Variants in AK9 observed in about 807,000 individuals in gnomAD.
The protein encoded by AK9 is adenylate kinase 9.
Under a neutral mutation model 239.6 loss-of-function variants are expected in AK9, and 191 were observed. The observed-to-expected ratio is 0.80, with a 90% confidence interval of 0.71 to 0.90. The LOEUF (loss-of-function observed/expected upper bound fraction) is 0.90, where lower values mean the gene tolerates loss of function less well. AK9 is among the 40% of genes least tolerant of loss of function. The pLI is 0.00. For missense variants in AK9, 1,995 were observed against 2,214.7 expected (o/e 0.90, Z 1.99); for synonymous variants, 689 against 721.0 (o/e 0.96, Z 0.71).
At chr6:109,688,956 C>T (rs1033366254) in intron 1 of AK9, among the ~76,000 whole-genome samples, 1 of 152,160 alleles carries the variant, frequency 6.6e-6, no homozygotes, top group African/African-American at 2.4e-5. Flanking sequence ...GCTCTTGATG[C>T]TTTCATGTCC....
At chr6:109,679,257 G>A (rs574389506) in intron 1 of AK9, among the ~76,000 whole-genome samples, 1 of 152,140 alleles carries the variant, frequency 6.6e-6, no homozygotes, top group Non-Finnish European at 1.5e-5. Context: ...TGGGATGCTG[G>A]AGCCTGGCTG....
At chr6:109,522,169 G>C (rs1269250635) in intron 29 of AK9, among the ~76,000 whole-genome samples, 1 of 151,896 alleles carries the variant, frequency 6.6e-6, no homozygotes, top group African/African-American at 2.4e-5. Flanking sequence ...CCATTCCTTT[G>C]TAGATATCCT....
At position 109,610,476 on chromosome 6, in the gene AK9, A is replaced by G. The variant is rs770990772; in HGVS notation, c.1731T>C (p.Asp577=). ...CAATCATGGTCACAACCTCTGGATG[A>G]TCTGCAGTTACCTCTTCTATCAAGT... ...TEDLIEEVTA[D]HPEVVTMIEE... Residue 577 remains aspartate (D), a synonymous_variant, in exon 17 of 41, where the codon GAT becomes GAC. Transcript: ENST00000424296. 45 of 1,551,262 alleles carry G rather than the reference A, an allele frequency of 2.9e-5. No homozygotes were observed. The African/African-American group carries it at 5.8e-4, about 20-fold the overall frequency.
chr6:109,636,286 TA>T (rs1379850865), intron 10 of AK9, among the ~76,000 whole-genome samples: 1 of 152,178 alleles, frequency 6.6e-6, no homozygotes, highest in Non-Finnish European at 1.5e-5. Context: ...GAGTCTACAG[TA>T]AGGTCTCTGT....
At chr6:109,664,542 A>C (rs1234569719) in intron 5 of AK9, among the ~76,000 whole-genome samples, 1 of 152,008 alleles carries the variant, frequency 6.6e-6, no homozygotes, top group Non-Finnish European at 1.5e-5. Context: ...CTCCTGCCTC[A>C]GCCTCCTGAG....
At chr6:109,686,639 C>T (rs1272028973) in intron 1 of AK9, among the ~76,000 whole-genome samples, 1 of 152,188 alleles carries the variant, frequency 6.6e-6, no homozygotes, top group African/African-American at 2.4e-5. Context: ...GTAAGGATAC[C>T]TTCTGGAGTC....
At chr6:109,504,165 G>A (rs1037269364) in intron 35 of AK9, among the ~76,000 whole-genome samples, 1 of 151,890 alleles carries the variant, frequency 6.6e-6, no homozygotes, top group African/African-American at 2.4e-5. Context: ...ACCAGCCTGG[G>A]AAACAAAGTA....
chr6:109,585,793 G>T, intron 18 of AK9, 123 bp downstream of exon 18: 1 of 907,356 alleles, frequency 1.1e-6, no homozygotes, highest in Non-Finnish European at 1.6e-6. Context: ...TCTAGTTCCT[G>T]CAGGGATTGC....
At chr6:109,540,037 G>A (rs1246919364) in intron 27 of AK9, among the ~76,000 whole-genome samples, 1 of 152,104 alleles carries the variant, frequency 6.6e-6, no homozygotes, top group Non-Finnish European at 1.5e-5. Flanking sequence ...CCCAGTTAGG[G>A]TACTCGGGGG....
At chr6:109,682,931 G>C (rs939338248) in intron 1 of AK9, among the ~76,000 whole-genome samples, 8 of 152,014 alleles carry the variant, frequency 5.3e-5, no homozygotes, top group Non-Finnish European at 1.0e-4. Context: ...CAAAACCTGG[G>C]AGAGACACAA....
At chr6:109,602,346 T>A (rs1792135495) in intron 17 of AK9, among the ~76,000 whole-genome samples, 1 of 152,222 alleles carries the variant, frequency 6.6e-6, no homozygotes, top group Non-Finnish European at 1.5e-5. Flanking sequence ...TTAGTTTGGC[T>A]GGATATGAAA....
chr6:109,582,911 G>A (rs1789034612), intron 19 of AK9, among the ~76,000 whole-genome samples: 1 of 152,142 alleles, frequency 6.6e-6, no homozygotes, highest in African/African-American at 2.4e-5. Context: ...TCGGTCAGCA[G>A]CCAACAACAC....
chr6:109,652,591 C>A (rs751736782), intron 8 of AK9, among the ~76,000 whole-genome samples: 2 of 152,154 alleles, frequency 1.3e-5, no homozygotes, highest in Non-Finnish European at 2.9e-5. Flanking sequence ...ATTTCATATT[C>A]TTCTGCTGTT....
intron 27 of AK9, among the ~76,000 whole-genome samples, chr6:109,538,168 T>C (rs989901092): frequency 2.6e-5 from 4 of 152,156 alleles, no homozygotes; most frequent in Admixed American, 6.6e-5. Flanking sequence ...CTTGTGAACT[T>C]TCTGTCTCGT....
In AK9 at chr6:109,506,808, G is replaced by T. The variant is rs1778165770; in HGVS notation, c.4482-8C>A. On this transcript the variant is annotated splice_polypyrimidine_tract_variant and splice_region_variant and intron_variant, in intron 33 of 40. Transcript: ENST00000424296. ...TATCCATCGATGACAACACTAACAA[G>T]GAAAAACATGAAAATAAAAATTCCA... 6.8e-7 allele frequency: 1 copy of T among 1,467,612 alleles called. No homozygotes were observed. The highest frequency in any genetic ancestry group is 9.0e-7 in the Non-Finnish European group (1 of 1,106,698). 90.9% of individuals were successfully genotyped at this position (1,467,612 alleles called of 1,614,324 possible).
At chr6:109,548,353 A>G (rs1203461843) in intron 25 of AK9, among the ~76,000 whole-genome samples, 1 of 152,218 alleles carries the variant, frequency 6.6e-6, no homozygotes, top group Non-Finnish European at 1.5e-5. Context: ...TATCAGAGCA[A>G]CATGAGTTCT....
chr6:109,519,185 T>G (rs966537617), intron 29 of AK9, among the ~76,000 whole-genome samples: 6 of 152,234 alleles, frequency 3.9e-5, no homozygotes, highest in Non-Finnish European at 8.8e-5. Flanking sequence ...GTATTATACA[T>G]ATGTAGCACA....
intron 17 of AK9, among the ~76,000 whole-genome samples, chr6:109,589,691 G>A (rs1367924937): frequency 6.6e-6 from 1 of 152,174 alleles, no homozygotes; most frequent in African/African-American, 2.4e-5. Flanking sequence ...TAAAATGTTG[G>A]CAGTGGGTTT....
chr6:109,538,138 G>A (rs1024562608), intron 27 of AK9, among the ~76,000 whole-genome samples: 14 of 151,558 alleles, frequency 9.2e-5, no homozygotes, highest in African/African-American at 3.4e-4. Flanking sequence ...GTGTAGAGCT[G>A]AGTTCAATTC....
Sources: allele counts gnomAD v4.1 joint callset (sites outside exome capture counted in the v4.1 genomes callset), GRCh38; gene constraint gnomAD v4.1.1; transcripts MANE v1.5; gene names NCBI Gene and HGNC (gene_info 2026-07-23, HGNC 2026-07-21).